Variants in MTIF2 observed in about 807,000 individuals in gnomAD.
MTIF2 encodes the protein translation initiation factor IF-2, mitochondrial.
Under a neutral mutation model 83.5 loss-of-function variants are expected in MTIF2, and 71 were observed. The observed-to-expected ratio is 0.85, with a 90% CI of 0.70 to 1.04. The LOEUF (loss-of-function observed/expected upper bound fraction) is 1.04. Ranked by LOEUF, MTIF2 falls within the 50% of genes least tolerant of loss-of-function variation. The probability of loss-of-function intolerance (pLI) is 0.00; values close to 1 mark genes in which losing one functional copy is unlikely to be tolerated. For missense variants in MTIF2, 957 were observed against 846.5 expected, an observed-to-expected ratio of 1.13 and a Z score of -1.62; for synonymous variants, 319 against 287.1, an observed-to-expected ratio of 1.11 and a Z score of -1.12.
intron 2 of MTIF2, among the ~76,000 whole-genome samples, chr2:55,268,123 G>GC (rs1198119159): frequency 1.3e-5 from 2 of 151,940 alleles, no homozygotes. Context: ...TACGGTGGCG[G>GC]GCGCCTGTAA....
chr2:55,261,352 T>C (rs1273385543), intron 5 of MTIF2, among the ~76,000 whole-genome samples: 1 of 151,366 alleles, frequency 6.6e-6, no homozygotes, highest in Non-Finnish European at 1.5e-5. Context: ...ACGCCCCTAA[T>C]CCCATCACTC....
chr2:55,251,110 C>CAA (rs57949152), intron 8 of MTIF2, among the ~76,000 whole-genome samples: 27 of 71,120 alleles, frequency 3.8e-4, no homozygotes, highest in African/African-American at 1.1e-3. Context: ...AACTCCGTCT[C>CAA]AAAAAAAAAA....
At chr2:55,262,478 G>A in intron 4 of MTIF2, 51 bp from the exon 5 acceptor site, 4 of 1,136,018 alleles carry the variant, frequency 3.5e-6, no homozygotes, top group Non-Finnish European at 5.2e-6. Context: ...AAACTTAAGT[G>A]ACAATTTAGA....
intron 4 of MTIF2, 104 bp from the exon 5 acceptor site, chr2:55,262,531 C>CTT (rs531485959): frequency 7.0e-5 from 23 of 327,948 alleles, no homozygotes; most frequent in South Asian, 2.1e-4. Context: ...ACATTTCTTT[C>CTT]TTTTTTTTTC....
At chr2:55,252,044 G>A (rs1677134930) in intron 8 of MTIF2, among the ~76,000 whole-genome samples, 1 of 152,164 alleles carries the variant, frequency 6.6e-6, no homozygotes. Context: ...GATCAGATAA[G>A]AACTTATTTA....
Position 55,263,841 on chromosome 2 carries a change from C to T in MTIF2, c.18G>A (p.Leu6=), listed in dbSNP as rs753409852. Residue 6 remains leucine (L), a synonymous_variant, in exon 4 of 16, where the codon CTG becomes CTA. Coordinates refer to ENST00000263629, the MANE Select transcript of MTIF2 (RefSeq NM_002453.3). The part of the protein sequence containing the change: MNQKL[L]KLENLLRFHT... ...GAAATCGTAGCAAGTTCTCCAACTTCAGTAGCTTCTGGTTCATGTTTCTCC... is the reference window on the plus strand; with the variant it reads ...GAAATCGTAGCAAGTTCTCCAACTTTAGTAGCTTCTGGTTCATGTTTCTCC... 4.3e-6 allele frequency: 7 copies of T among 1,612,804 alleles called. No homozygotes were observed. The highest frequency in any genetic ancestry group is 1.1e-5 in the South Asian group (1 of 90,784).
chr2:55,255,039 CAT>C (rs1435888961), intron 5 of MTIF2, among the ~76,000 whole-genome samples: 2 of 151,870 alleles, frequency 1.3e-5, no homozygotes, highest in Non-Finnish European at 2.9e-5. Flanking sequence ...TCCGCATATT[CAT>C]AAATATTTGA....
intron 4 of MTIF2, 51 bp from the exon 5 acceptor site, chr2:55,262,478 G>T: frequency 8.8e-7 from 1 of 1,136,020 alleles, no homozygotes; most frequent in South Asian, 1.3e-5. Flanking sequence ...AAACTTAAGT[G>T]ACAATTTAGA....
chr2:55,236,730 A>G lies in MTIF2; in HGVS notation c.2102T>C (p.Met701Thr), dbSNP rs575647946. The G allele has an allele frequency of 1.7e-5, 27 of 1,611,422 alleles. No individual in the cohort carries two copies. Among genetic ancestry groups the G allele is most frequent in the African/African-American group, 2.7e-5 (2 of 74,840 alleles). The change falls in exon 16 of 16, where the codon ATG becomes ACG. Residue 701 changes from methionine (M) to threonine (T), a missense_variant. This residue lies in a region of MTIF2 where 221 missense variants were observed against 180.6 expected (regional missense o/e 1.22). Transcript: ENST00000263629. ...AATTCTGTCTCCCACTTGAAATTCC[A>G]TATTGTCTTCATCTAAACTGAGACC... ...DCGLSLDEDN[M>T]EFQVGDRIVC...
Position 55,246,330 on chromosome 2 carries a change from G to C in MTIF2, c.1106+7C>G. 1.2e-6 allele frequency: 2 copies of C among 1,611,632 alleles called. No individual in the cohort carries two copies. The highest frequency in any genetic ancestry group is 1.7e-6 in the Non-Finnish European group (2 of 1,178,474). On this transcript the variant is annotated splice_region_variant and intron_variant, in intron 10 of 15. Coordinates refer to ENST00000263629, the MANE Select transcript of MTIF2 (RefSeq NM_002453.3). ...AATTAAAAAGGCAAGCATTTTAAGAGTCCTACCCTCTTCCTTTGTCTGTGA... is the reference window on the plus strand; with the variant it reads ...AATTAAAAAGGCAAGCATTTTAAGACTCCTACCCTCTTCCTTTGTCTGTGA...
chr2:55,266,160 G>A (rs1323446290), intron 3 of MTIF2, among the ~76,000 whole-genome samples: 2 of 152,134 alleles, frequency 1.3e-5, no homozygotes, highest in Admixed American at 6.5e-5. Context: ...TGGAAATTAT[G>A]AACTATTTCA....
At chr2:55,256,906 C>T (rs1405471263) in intron 5 of MTIF2, among the ~76,000 whole-genome samples, 1 of 151,966 alleles carries the variant, frequency 6.6e-6, no homozygotes, top group Non-Finnish European at 1.5e-5. Context: ...GCCATTTTGC[C>T]CAGGTTGGTT....
chr2:55,245,864 C>T lies in MTIF2; in HGVS notation c.1106+473G>A, dbSNP rs1379528540. 2.6e-5 allele frequency among the ~76,000 whole-genome samples: 4 copies of T among 152,192 alleles called. No homozygotes were observed. In the South Asian group the frequency reaches 6.2e-4, roughly 24 times the overall value. On this transcript the variant is annotated intron_variant, in intron 10 of 15. Coordinates refer to ENST00000263629, the MANE Select transcript of MTIF2 (RefSeq NM_002453.3). ...CCAGTCTCCATCAGCTAAGGGATTA[C>T]TCAGTTGTTAGAGAGTGTAAAGCAA...
intron 9 of MTIF2, among the ~76,000 whole-genome samples, chr2:55,247,546 C>A (rs1376021932): frequency 6.6e-6 from 1 of 152,032 alleles, no homozygotes; most frequent in East Asian, 1.9e-4. Flanking sequence ...AGCAAGACTT[C>A]ATTTCAAAAA....
At chr2:55,266,071 G>A (rs1351983425) in intron 3 of MTIF2, among the ~76,000 whole-genome samples, 4 of 151,972 alleles carry the variant, frequency 2.6e-5, no homozygotes, top group Non-Finnish European at 5.9e-5. Flanking sequence ...TTTGGCATGC[G>A]GCAGCGGGGG....
intron 14 of MTIF2, among the ~76,000 whole-genome samples, 185 bp from the exon 15 acceptor site, chr2:55,237,613 G>C (rs1316549671): frequency 6.7e-6 from 1 of 149,716 alleles, no homozygotes; most frequent in Admixed American, 6.7e-5. Flanking sequence ...AAAAATGAAT[G>C]AAAATCTTTG....
At chr2:55,256,776 C>T (rs1677577853) in intron 5 of MTIF2, among the ~76,000 whole-genome samples, 1 of 151,870 alleles carries the variant, frequency 6.6e-6, no homozygotes, top group South Asian at 2.1e-4. Context: ...ACAATCCTAA[C>T]TCACTGCAGT....
intron 14 of MTIF2, among the ~76,000 whole-genome samples, chr2:55,238,721 C>T (rs1349962180): frequency 6.6e-6 from 1 of 151,974 alleles, no homozygotes; most frequent in Non-Finnish European, 1.5e-5. Context: ...ACTAAAAATA[C>T]AAATTCCAAT....
At chr2:55,258,718 A>G (rs1187717988) in intron 5 of MTIF2, among the ~76,000 whole-genome samples, 2 of 151,038 alleles carry the variant, frequency 1.3e-5, no homozygotes, top group Admixed American at 6.7e-5. Context: ...AGGCTGAGGC[A>G]GGAGAATTGC....
Sources: allele counts gnomAD v4.1 joint callset (sites outside exome capture counted in the v4.1 genomes callset), GRCh38; gene constraint gnomAD v4.1.1; regional missense constraint gnomAD v4.1.1; transcripts MANE v1.5; gene names NCBI Gene and HGNC (gene_info 2026-07-23, HGNC 2026-07-21).